The following CCSER1 variants were observed in gnomAD, a reference collection of about 807,000 sequenced individuals.
The protein encoded by CCSER1 is coiled-coil serine rich protein 1, also known as serine-rich coiled-coil domain-containing protein 1.
In CCSER1, 41 loss-of-function variants were observed where a neutral mutation model predicts 82.0. The ratio of observed to expected loss-of-function variants is 0.50; its 90% CI spans 0.39 to 0.65. CCSER1 has a LOEUF of 0.65. Among genes scored for constraint, CCSER1 ranks in the 30% least tolerant of loss-of-function variants. The pLI is 0.00. For synonymous variants in CCSER1, 414 were observed against 383.9 expected, an observed-to-expected ratio of 1.08 and a Z score of -0.92; for missense variants, 1,119 against 1,064.2, an observed-to-expected ratio of 1.05 and a Z score of -0.72.
At chr4:90,548,912 A>T (rs1328013615) in intron 5 of CCSER1, among the ~76,000 whole-genome samples, 2 of 151,982 alleles carry the variant, frequency 1.3e-5, no homozygotes, top group African/African-American at 4.8e-5. Context: ...TAGTTTTCTG[A>T]GCCTTGTTCT....
At chr4:90,675,316 C>T (rs549237912) in intron 6 of CCSER1, among the ~76,000 whole-genome samples, 1 of 151,796 alleles carries the variant, frequency 6.6e-6, no homozygotes, top group Non-Finnish European at 1.5e-5. Flanking sequence ...AGAGAAAATG[C>T]ATGTTTTTTT....
chr4:91,065,411 A>T (rs749600352), intron 9 of CCSER1, among the ~76,000 whole-genome samples: 1 of 152,184 alleles, frequency 6.6e-6, no homozygotes, highest in Non-Finnish European at 1.5e-5. Flanking sequence ...AGTTATATTC[A>T]TATCATACTA....
At chr4:91,319,556 C>A in intron 10 of CCSER1, 1 of 417,260 alleles carries the variant, frequency 2.4e-6, no homozygotes, top group Non-Finnish European at 4.7e-6. Context: ...AAATTGCTAT[C>A]CTGTGAAAGA....
At chr4:91,441,810 A>G (rs1456651206) in intron 10 of CCSER1, among the ~76,000 whole-genome samples, 2 of 150,628 alleles carry the variant, frequency 1.3e-5, no homozygotes, top group African/African-American at 4.9e-5. Flanking sequence ...AATCACAAGC[A>G]TTCTTATACA....
intron 10 of CCSER1, among the ~76,000 whole-genome samples, chr4:91,409,494 C>A (rs1042541748): frequency 3.9e-5 from 6 of 152,024 alleles, no homozygotes; most frequent in Non-Finnish European, 8.8e-5. Flanking sequence ...AAGTTTCCTT[C>A]CCATCTCCAT....
At chr4:90,290,675 AT>A (rs922214332) in intron 1 of CCSER1, among the ~76,000 whole-genome samples, 1 of 151,648 alleles carries the variant, frequency 6.6e-6, no homozygotes, top group African/African-American at 2.4e-5. Flanking sequence ...TAGTGGCTGC[AT>A]TTTTTTCCCT....
At chr4:90,687,696 C>G (rs1735065630) in intron 6 of CCSER1, among the ~76,000 whole-genome samples, 1 of 152,112 alleles carries the variant, frequency 6.6e-6, no homozygotes, top group African/African-American at 2.4e-5. Context: ...CTCCTTCCTT[C>G]CACCCACAAC....
At chr4:90,283,481 C>T (rs1052456084) in intron 1 of CCSER1, among the ~76,000 whole-genome samples, 1 of 151,806 alleles carries the variant, frequency 6.6e-6, no homozygotes, top group Non-Finnish European at 1.5e-5. Flanking sequence ...TTAGGATATC[C>T]ATAATATTAA....
At chr4:91,060,193 CTAT>C (rs1295999729) in intron 9 of CCSER1, among the ~76,000 whole-genome samples, 3 of 151,974 alleles carry the variant, frequency 2.0e-5, no homozygotes, top group Non-Finnish European at 2.9e-5. Flanking sequence ...ATTCAACTAG[CTAT>C]TATTATGATG....
intron 10 of CCSER1, among the ~76,000 whole-genome samples, chr4:91,451,144 T>C (rs944233056): frequency 6.6e-6 from 1 of 152,028 alleles, no homozygotes; most frequent in Non-Finnish European, 1.5e-5. Flanking sequence ...CCCCAGCTTG[T>C]TTGGGCTTAC....
intron 10 of CCSER1, among the ~76,000 whole-genome samples, chr4:91,170,597 A>G (rs992964165): frequency 1.3e-5 from 2 of 152,198 alleles, no homozygotes; most frequent in African/African-American, 4.8e-5. Context: ...GTTTATGTAA[A>G]TTGATATTTT....
intron 5 of CCSER1, among the ~76,000 whole-genome samples, chr4:90,484,789 G>C (rs999369028): frequency 6.6e-6 from 1 of 152,104 alleles, no homozygotes; most frequent in East Asian, 1.9e-4. Context: ...TGCCCCTACT[G>C]GGGGGTTCCT....
intron 10 of CCSER1, among the ~76,000 whole-genome samples, chr4:91,349,851 G>C (rs181170596): frequency 7.4e-4 from 112 of 152,038 alleles, no homozygotes; most frequent in African/African-American, 2.6e-3. Flanking sequence ...GTCAATTACA[G>C]TTTAGGGTTT....
rs76111764 is a variant in CCSER1 at position 90,303,085 on chromosome 4, G to A, written c.-41-5159G>A. Among the ~76,000 whole-genome samples, 1,413 of 152,208 alleles carry A rather than the reference G, an allele frequency of 9.3e-3. 25 individuals carry two copies. Among genetic ancestry groups the A allele is most frequent in the African/African-American group, 0.03 (1,227 of 41,534 alleles). On this transcript the variant is annotated intron_variant, in intron 1 of 10. Coordinates refer to ENST00000509176, the MANE Select transcript of CCSER1 (RefSeq NM_001145065.2). Reference sequence around the variant, plus strand: ...GACATGTGAAGGATATTTACCTCTAGTAGATTTATATCTACTCCAGGTTAT... The same window carrying A: ...GACATGTGAAGGATATTTACCTCTAATAGATTTATATCTACTCCAGGTTAT...
rs113520855 is a variant in CCSER1, at chr4:91,526,084, T to C, written c.2218-72488T>C. Among the ~76,000 whole-genome samples the C allele has an allele frequency of 1.9e-3, 290 of 152,330 alleles. 1 individual carries two copies. Among genetic ancestry groups the C allele is most frequent in the African/African-American group, 6.8e-3 (282 of 41,578 alleles). On this transcript the variant is annotated intron_variant, in intron 10 of 10. Transcript: ENST00000509176. ...TGTAGAGAATCTCCTTTTCCCTTTT[T>C]CTTCTTTCCAAATCCAGGAGATAAT...
At chr4:91,335,047 A>G (rs533851578) in intron 10 of CCSER1, among the ~76,000 whole-genome samples, 2 of 152,130 alleles carry the variant, frequency 1.3e-5, no homozygotes, top group South Asian at 4.2e-4. Context: ...AGTAAAATTA[A>G]TATCTATTCT....
chr4:90,170,112 C>A (rs1391695017), intron 1 of CCSER1, among the ~76,000 whole-genome samples: 1 of 151,998 alleles, frequency 6.6e-6, no homozygotes, highest in Non-Finnish European at 1.5e-5. Flanking sequence ...CATCTTGACT[C>A]CTATGCAATC....
chr4:91,543,044 A>C (rs1444681065), intron 10 of CCSER1, among the ~76,000 whole-genome samples: 1 of 152,102 alleles, frequency 6.6e-6, no homozygotes, highest in Non-Finnish European at 1.5e-5. Context: ...TGAGCCCTTT[A>C]CCATTATGTA....
At chr4:91,295,327 A>G (rs993039456) in intron 10 of CCSER1, among the ~76,000 whole-genome samples, 4 of 151,982 alleles carry the variant, frequency 2.6e-5, no homozygotes. Context: ...CTTGTATCAG[A>G]AAGTGAGATA....
Sources: gnomAD v4.1 joint callset for allele counts (sites outside exome capture counted in the v4.1 genomes callset) on GRCh38, gnomAD v4.1.1 for gene constraint, MANE v1.5 for transcripts, NCBI Gene and HGNC (gene_info 2026-07-23, HGNC 2026-07-21) for gene names.